The following PTPRK variants were observed in gnomAD, a reference collection of about 807,000 sequenced individuals.
The protein encoded by PTPRK is receptor-type tyrosine-protein phosphatase kappa.
Under a neutral mutation model 178.0 loss-of-function variants are expected in PTPRK, and 75 were observed. That is an observed-to-expected ratio of 0.42 (90% confidence interval 0.35 to 0.51). PTPRK has a LOEUF of 0.51. PTPRK is among the 20% of genes least tolerant of loss of function. PTPRK has a pLI of 0.02. For missense variants in PTPRK, 1,441 were observed against 1,797.8 expected, an observed-to-expected ratio of 0.80 and a Z score of 3.59; for synonymous variants, 637 against 620.6, an observed-to-expected ratio of 1.03 and a Z score of -0.39.
At chr6:128,063,113 T>C (rs896711493) in intron 13 of PTPRK, among the ~76,000 whole-genome samples, 2 of 152,190 alleles carry the variant, frequency 1.3e-5, no homozygotes, top group African/African-American at 2.4e-5. Flanking sequence ...TGAACTCAGA[T>C]AGTGTAAGGC....
intron 3 of PTPRK, among the ~76,000 whole-genome samples, chr6:128,269,929 T>C (rs969687753): frequency 1.3e-5 from 2 of 152,118 alleles, no homozygotes; most frequent in African/African-American, 4.8e-5. Context: ...CTGCAGTTTT[T>C]CTATGGAGAA....
Position 127,983,393 on chromosome 6 carries a change from A to T in PTPRK, c.3252-16T>A, listed in dbSNP as rs750385524. 3.1e-6 allele frequency: 5 copies of T among 1,610,296 alleles called. No homozygotes were observed. The African/African-American group carries it at 6.7e-5, about 22-fold the overall frequency. The stretch of plus-strand genomic sequence containing the variant: ...AGCACCAGCACTGAAAAACAATTAA[A>T]TTTAATGAATTGTAAGAAGCATGTT... On this transcript the variant is annotated splice_polypyrimidine_tract_variant and intron_variant, in intron 22 of 29. Coordinates refer to ENST00000368226, the MANE Select transcript of PTPRK (RefSeq NM_002844.4).
intron 11 of PTPRK, among the ~76,000 whole-genome samples, chr6:128,077,775 A>T (rs148110388): frequency 5.3e-4 from 81 of 152,098 alleles, no homozygotes; most frequent in African/African-American, 1.7e-3. Context: ...AAATGTGCAG[A>T]AATTAAAATG....
chr6:128,079,720 AAT>A (rs1289165918), intron 10 of PTPRK, among the ~76,000 whole-genome samples: 1 of 152,082 alleles, frequency 6.6e-6, no homozygotes, highest in East Asian at 1.9e-4. Flanking sequence ...AAATGCTATG[AAT>A]ATAAAGACAA....
At chr6:128,022,822 C>A (rs1044333350) in intron 13 of PTPRK, among the ~76,000 whole-genome samples, 2 of 152,094 alleles carry the variant, frequency 1.3e-5, no homozygotes, top group African/African-American at 4.8e-5. Flanking sequence ...ACAATCTGCC[C>A]CCAATATGTT....
intron 13 of PTPRK, among the ~76,000 whole-genome samples, chr6:128,058,957 A>C (rs1434253850): frequency 6.6e-6 from 1 of 151,950 alleles, no homozygotes; most frequent in Non-Finnish European, 1.5e-5. Flanking sequence ...CTACAGTTTT[A>C]CCTTTGTCAT....
chr6:128,013,154 C>T (rs772280156), intron 13 of PTPRK, among the ~76,000 whole-genome samples: 5 of 151,424 alleles, frequency 3.3e-5, no homozygotes, highest in Middle Eastern at 3.4e-3. Flanking sequence ...ACACCCTTTT[C>T]CTGGGACTTC....
At chr6:128,373,938 A>C (rs939978210) in intron 2 of PTPRK, among the ~76,000 whole-genome samples, 76 of 152,288 alleles carry the variant, frequency 5.0e-4, no homozygotes, top group African/African-American at 1.8e-3. Context: ...TTACTACATA[A>C]AACAAGAAAG....
At chr6:128,025,498 G>A (rs1004126797) in intron 13 of PTPRK, among the ~76,000 whole-genome samples, 1 of 152,154 alleles carries the variant, frequency 6.6e-6, no homozygotes, top group Non-Finnish European at 1.5e-5. Flanking sequence ...CTTAACAACT[G>A]CATCTAAAAG....
At chr6:128,448,614 C>T (rs1847338565) in intron 1 of PTPRK, among the ~76,000 whole-genome samples, 2 of 152,180 alleles carry the variant, frequency 1.3e-5, no homozygotes, top group Non-Finnish European at 2.9e-5. Context: ...AAGATGCTAG[C>T]TCCTTACCAA....
At chr6:128,010,336 A>T (rs76345383) in intron 13 of PTPRK, among the ~76,000 whole-genome samples, 3,805 of 151,372 alleles carry the variant, frequency 0.025, 186 homozygotes, top group African/African-American at 0.087. Context: ...ACTTGGAGTC[A>T]AGAGATGGTG....
intron 3 of PTPRK, among the ~76,000 whole-genome samples, chr6:128,305,736 A>G (rs966242887): frequency 1.3e-5 from 2 of 152,234 alleles, no homozygotes; most frequent in Admixed American, 6.5e-5. Flanking sequence ...TTTAAACTTT[A>G]ACTACACAAA....
At chr6:128,358,254 C>G (rs542632514) in intron 2 of PTPRK, among the ~76,000 whole-genome samples, 1 of 152,154 alleles carries the variant, frequency 6.6e-6, no homozygotes, top group African/African-American at 2.4e-5. Context: ...AAGGAGAGGG[C>G]ATATTCAGGC....
At chr6:128,173,316 A>C (rs1265768799) in intron 7 of PTPRK, among the ~76,000 whole-genome samples, 1 of 152,022 alleles carries the variant, frequency 6.6e-6, no homozygotes, top group African/African-American at 2.4e-5. Context: ...TCTGCCCTTG[A>C]GCAGGGAGGC....
At chr6:128,103,762 G>A (rs1789190724) in intron 7 of PTPRK, among the ~76,000 whole-genome samples, 1 of 152,084 alleles carries the variant, frequency 6.6e-6, no homozygotes, top group African/African-American at 2.4e-5. Flanking sequence ...ATTATCACCT[G>A]GGGCTGCAAT....
At chr6:128,415,417 T>C (rs1842737319) in intron 1 of PTPRK, among the ~76,000 whole-genome samples, 1 of 151,480 alleles carries the variant, frequency 6.6e-6, no homozygotes, top group Admixed American at 6.6e-5. Flanking sequence ...TTTTAATGAA[T>C]AAGTTAGCTA....
At chr6:128,039,058 A>C (rs1776718650) in intron 13 of PTPRK, among the ~76,000 whole-genome samples, 1 of 152,174 alleles carries the variant, frequency 6.6e-6, no homozygotes, top group South Asian at 2.1e-4. Context: ...ATTTGGCTGT[A>C]ATTATTTAAA....
At chr6:128,388,689 T>C (rs1014478184) in intron 2 of PTPRK, among the ~76,000 whole-genome samples, 2 of 152,204 alleles carry the variant, frequency 1.3e-5, no homozygotes, top group African/African-American at 4.8e-5. Context: ...CCTTTGATAA[T>C]TTACTTAGGT....
chr6:128,428,101 GA>G (rs1050022020), intron 1 of PTPRK, among the ~76,000 whole-genome samples: 8 of 150,878 alleles, frequency 5.3e-5, no homozygotes, highest in East Asian at 3.9e-4. Flanking sequence ...CGAAAAAAAA[GA>G]AAAAAAAAGT....
Sources: allele counts gnomAD v4.1 joint callset (sites outside exome capture counted in the v4.1 genomes callset), GRCh38; gene constraint gnomAD v4.1.1; transcripts MANE v1.5; gene names NCBI Gene and HGNC (gene_info 2026-07-23, HGNC 2026-07-21).